Variants in NBEA observed in about 807,000 individuals in gnomAD.
NBEA encodes the protein neurobeachin, also known as lysosomal-trafficking regulator 2.
A neutral mutation model predicts 343.4 loss-of-function variants in NBEA; 44 were observed. The observed-to-expected ratio is 0.13, with a 90% CI of 0.10 to 0.16. The LOEUF is 0.16. Among genes scored for constraint, NBEA ranks in the 10% least tolerant of loss-of-function variants. The pLI, the probability that NBEA is intolerant of heterozygous loss-of-function variation, is 1.00. For synonymous variants in NBEA, 1,175 were observed against 1,238.7 expected (o/e 0.95, Z 1.08); for missense variants, 2,555 against 3,631.3 (o/e 0.70, Z 7.62).
chr13:35,559,930 C>CA (rs34700584), intron 44 of NBEA, among the ~76,000 whole-genome samples: 5,321 of 108,804 alleles, frequency 0.049, 176 homozygotes, highest in South Asian at 0.11. Flanking sequence ...GACTCCGTCT[C>CA]AAAAAAAAAA....
At chr13:35,061,824 C>T (rs1176332083) in intron 8 of NBEA, among the ~76,000 whole-genome samples, 2 of 151,612 alleles carry the variant, frequency 1.3e-5, no homozygotes. Context: ...ATATAGATAA[C>T]ATCTATAGGG....
intron 31 of NBEA, among the ~76,000 whole-genome samples, chr13:35,198,242 A>T (rs955421456): frequency 6.6e-6 from 1 of 152,160 alleles, no homozygotes; most frequent in Non-Finnish European, 1.5e-5. Context: ...TTGTATAAAC[A>T]TATGCATGTA....
At chr13:35,235,005 C>A (rs368560129) in intron 34 of NBEA, among the ~76,000 whole-genome samples, 1 of 151,996 alleles carries the variant, frequency 6.6e-6, no homozygotes, top group East Asian at 1.9e-4. Context: ...GAATAATTTC[C>A]GAAAACAATA....
intron 24 of NBEA, among the ~76,000 whole-genome samples, chr13:35,168,691 T>C (rs2070230377): frequency 6.6e-6 from 1 of 151,382 alleles, no homozygotes; most frequent in Non-Finnish European, 1.5e-5. Context: ...ACTTGTTTTG[T>C]AAAATAGAGT....
At chr13:35,409,496 T>TA (rs201593641) in intron 38 of NBEA, among the ~76,000 whole-genome samples, 3,161 of 151,932 alleles carry the variant, frequency 0.021, 47 homozygotes, top group Non-Finnish European at 0.032. Context: ...ACTTAAAAGT[T>TA]AAAAAAAACT....
intron 48 of NBEA, among the ~76,000 whole-genome samples, chr13:35,620,522 G>T (rs947207285): frequency 1.3e-5 from 2 of 152,132 alleles, no homozygotes; most frequent in Non-Finnish European, 2.9e-5. Context: ...GAGTAGTAGT[G>T]GGGGAGCATC....
At chr13:35,360,025 A>G (rs575397320) in intron 38 of NBEA, among the ~76,000 whole-genome samples, 1 of 151,950 alleles carries the variant, frequency 6.6e-6, no homozygotes, top group East Asian at 1.9e-4. Context: ...TATTTTTTCT[A>G]TTTTACGGGT....
At chr13:35,011,597 TATTA>T (rs1419235311) in intron 1 of NBEA, among the ~76,000 whole-genome samples, 1 of 152,192 alleles carries the variant, frequency 6.6e-6, no homozygotes, top group East Asian at 1.9e-4. Context: ...AATTTTTTGA[TATTA>T]ATTTCTATAT....
At chr13:35,467,248 C>T (rs543134130) in intron 40 of NBEA, among the ~76,000 whole-genome samples, 4 of 152,078 alleles carry the variant, frequency 2.6e-5, no homozygotes, top group Admixed American at 6.5e-5. Flanking sequence ...CCAAGGCGGG[C>T]GGATCACAAG....
At chr13:35,524,070 A>G (rs1364085848) in intron 41 of NBEA, among the ~76,000 whole-genome samples, 1 of 152,222 alleles carries the variant, frequency 6.6e-6, no homozygotes, top group Non-Finnish European at 1.5e-5. Flanking sequence ...TAAGACAATG[A>G]CATTAACCCA....
At chr13:35,090,061 A>AAAATAAAT (rs71078079) in intron 10 of NBEA, among the ~76,000 whole-genome samples, 17,635 of 145,024 alleles carry the variant, frequency 0.12, 1,215 homozygotes, top group South Asian at 0.18. Context: ...AAAGTATAAT[A>AAAATAAAT]AAATAAATAA....
chr13:34,993,708 G>A (rs2060840072), intron 1 of NBEA, among the ~76,000 whole-genome samples: 1 of 152,160 alleles, frequency 6.6e-6, no homozygotes, highest in Non-Finnish European at 1.5e-5. Flanking sequence ...AGGCTATAAT[G>A]TCTATCCCTG....
chr13:35,497,215 G>C (rs565714282), intron 41 of NBEA, among the ~76,000 whole-genome samples: 7 of 152,128 alleles, frequency 4.6e-5, no homozygotes, highest in African/African-American at 1.4e-4. Flanking sequence ...CCTTCTGTAG[G>C]AGAAATTGAG....
At chr13:35,323,548 C>T (rs2038321501) in intron 36 of NBEA, among the ~76,000 whole-genome samples, 3 of 126,536 alleles carry the variant, frequency 2.4e-5, no homozygotes, top group Admixed American at 2.1e-4. Context: ...GGGAACATCA[C>T]ACTCTGGGGC....
intron 38 of NBEA, among the ~76,000 whole-genome samples, chr13:35,412,732 G>A (rs1276304990): frequency 6.6e-6 from 1 of 152,084 alleles, no homozygotes; most frequent in Non-Finnish European, 1.5e-5. Flanking sequence ...AAACAGCTAT[G>A]CTGGTGCTGT....
At position 35,182,547 on chromosome 13, in the gene NBEA, T is replaced by C; in HGVS notation, c.4831+19T>C. ...AGTACAGGTACTTAACATTGTATAA[T>C]TATTTGAATTTTCACCATGATGTAT... On this transcript the variant is annotated intron_variant, in intron 29 of 58. Transcript: ENST00000379939. The C allele has an allele frequency of 6.3e-7, 1 of 1,585,490 alleles. No homozygotes were observed. Among genetic ancestry groups the C allele is most frequent in the Non-Finnish European group, 8.6e-7 (1 of 1,167,430 alleles).
chr13:35,022,037 C>G (rs920390658), intron 1 of NBEA, among the ~76,000 whole-genome samples: 1 of 152,050 alleles, frequency 6.6e-6, no homozygotes, highest in African/African-American at 2.4e-5. Flanking sequence ...TAGTTGGCTG[C>G]AGAAGTCTTT....
chr13:35,202,265 T>C (rs1194438181), intron 31 of NBEA, among the ~76,000 whole-genome samples: 1 of 152,162 alleles, frequency 6.6e-6, no homozygotes, highest in Non-Finnish European at 1.5e-5. Flanking sequence ...AGGTCAATTA[T>C]TGAAATATAT....
chr13:35,329,654 A>G (rs929426274), intron 36 of NBEA, among the ~76,000 whole-genome samples: 30 of 152,066 alleles, frequency 2.0e-4, no homozygotes, highest in Admixed American at 4.6e-4. Context: ...ATAGGGACAG[A>G]AAACAGTTCA....
Sources: gnomAD v4.1 joint callset for allele counts (sites outside exome capture counted in the v4.1 genomes callset) on GRCh38, gnomAD v4.1.1 for gene constraint, MANE v1.5 for transcripts, NCBI Gene and HGNC (gene_info 2026-07-23, HGNC 2026-07-21) for gene names.